LRRTM4: variants seen among roughly 807,000 people sequenced by gnomAD.
The protein encoded by LRRTM4 is leucine-rich repeat transmembrane neuronal protein 4.
Under a neutral mutation model 47.6 loss-of-function variants are expected in LRRTM4, and 25 were observed. The observed-to-expected ratio is 0.53, with a 90% CI of 0.38 to 0.73. The LOEUF is 0.73. LRRTM4 is among the 30% of genes least tolerant of loss of function. The pLI, the probability that LRRTM4 is intolerant of heterozygous loss-of-function variation, is 0.00. For synonymous variants in LRRTM4, 311 were observed against 269.5 expected (o/e 1.15, Z -1.51); for missense variants, 638 against 713.4 (o/e 0.89, Z 1.20).
At chr2:77,145,153 A>G (rs1672220648) in intron 3 of LRRTM4, among the ~76,000 whole-genome samples, 1 of 152,020 alleles carries the variant, frequency 6.6e-6, no homozygotes, top group African/African-American at 2.4e-5. Context: ...TACCACATTT[A>G]TACAAGGAAA....
intron 3 of LRRTM4, among the ~76,000 whole-genome samples, chr2:77,154,252 C>T (rs1032571870): frequency 6.6e-6 from 1 of 152,122 alleles, no homozygotes; most frequent in Non-Finnish European, 1.5e-5. Flanking sequence ...CTGTAGTCCA[C>T]CTTAGAGGCA....
chr2:77,518,598 T>G lies in LRRTM4; in HGVS notation c.1271A>C (p.Lys424Thr), dbSNP rs775513920. ...GAGAGCCACACTCCCGGCAATAATT[T>G]TGTGAAATGAAACATGCTCATACTC... ...EQEYEHVSFH[K>T]IIAGSVALFL... The change falls in exon 3 of 4, where the codon AAA (lysine) becomes ACA (threonine). Residue 424 changes from lysine to threonine, a missense_variant. By Grantham distance (78) the Lys-to-Thr change is moderately conservative (BLOSUM62 -1). Transcript: ENST00000409884. 3 of 1,613,402 alleles carry G rather than the reference T, an allele frequency of 1.9e-6. No individual in the cohort carries two copies. The highest frequency in any genetic ancestry group is 2.5e-6 in the Non-Finnish European group (3 of 1,179,646).
At chr2:76,991,456 A>C (rs76660078) in intron 3 of LRRTM4, among the ~76,000 whole-genome samples, 12,476 of 151,614 alleles carry the variant, frequency 0.082, 1,195 homozygotes, top group African/African-American at 0.22. Context: ...GTGACATTAC[A>C]ACTTATGTGA....
At chr2:77,239,540 A>G (rs1675200884) in intron 3 of LRRTM4, among the ~76,000 whole-genome samples, 1 of 151,936 alleles carries the variant, frequency 6.6e-6, no homozygotes, top group African/African-American at 2.4e-5. Context: ...CTGTCCACAG[A>G]AAGTTGTTTT....
intron 3 of LRRTM4, among the ~76,000 whole-genome samples, chr2:77,461,223 T>A (rs1252028217): frequency 6.6e-6 from 1 of 151,886 alleles, no homozygotes; most frequent in Admixed American, 6.6e-5. Flanking sequence ...ATAGTTATTT[T>A]ATAAAACATG....
At chr2:76,831,708 G>A (rs1437655940) in intron 3 of LRRTM4, among the ~76,000 whole-genome samples, 1 of 152,040 alleles carries the variant, frequency 6.6e-6, no homozygotes, top group African/African-American at 2.4e-5. Flanking sequence ...TTGGTATCAG[G>A]GAGAAAGAAT....
chr2:76,774,904 T>C (rs767234599), intron 3 of LRRTM4, among the ~76,000 whole-genome samples: 20 of 152,200 alleles, frequency 1.3e-4, no homozygotes, highest in Non-Finnish European at 2.5e-4. Context: ...TTTTGCCAGA[T>C]TGTCTAATGT....
chr2:77,102,017 C>G (rs1250353207), intron 3 of LRRTM4, among the ~76,000 whole-genome samples: 2 of 152,176 alleles, frequency 1.3e-5, no homozygotes, highest in African/African-American at 4.8e-5. Context: ...TATTGCAGGA[C>G]AAACAAAGGG....
intron 3 of LRRTM4, among the ~76,000 whole-genome samples, chr2:76,910,440 T>C (rs1445629464): frequency 1.3e-5 from 2 of 152,086 alleles, no homozygotes; most frequent in African/African-American, 2.4e-5. Flanking sequence ...GGCACATGTA[T>C]ACATATGAAA....
chr2:77,022,929 G>A (rs549106162), intron 3 of LRRTM4, among the ~76,000 whole-genome samples: 1 of 152,316 alleles, frequency 6.6e-6, no homozygotes, highest in East Asian at 1.9e-4. Flanking sequence ...TCCCCAGTAG[G>A]GACTCTGTGT....
At chr2:77,019,006 T>C (rs1678172388) in intron 3 of LRRTM4, among the ~76,000 whole-genome samples, 2 of 151,970 alleles carry the variant, frequency 1.3e-5, no homozygotes, top group Non-Finnish European at 2.9e-5. Context: ...AAATGAAATA[T>C]CTTGTAACAG....
At chr2:77,435,011 T>C (rs1675534288) in intron 3 of LRRTM4, among the ~76,000 whole-genome samples, 1 of 152,038 alleles carries the variant, frequency 6.6e-6, no homozygotes, top group South Asian at 2.1e-4. Context: ...GGTCATACAA[T>C]TTTTTGTTCT....
intron 3 of LRRTM4, among the ~76,000 whole-genome samples, chr2:77,217,173 A>T (rs1674471679): frequency 6.6e-6 from 1 of 151,166 alleles, no homozygotes; most frequent in Non-Finnish European, 1.5e-5. Flanking sequence ...TCTTCTTAAA[A>T]ATTCTTCAGG....
At chr2:76,867,954 G>C (rs1253466689) in intron 3 of LRRTM4, among the ~76,000 whole-genome samples, 1 of 152,132 alleles carries the variant, frequency 6.6e-6, no homozygotes, top group Non-Finnish European at 1.5e-5. Flanking sequence ...GAATGTTCTA[G>C]AGAGATCAAT....
At chr2:77,349,255 G>T (rs1671674233) in intron 3 of LRRTM4, among the ~76,000 whole-genome samples, 1 of 151,760 alleles carries the variant, frequency 6.6e-6, no homozygotes, top group South Asian at 2.1e-4. Context: ...TAAAACTCTA[G>T]CTCATCTCTA....
At chr2:76,999,087 T>A (rs1677316383) in intron 3 of LRRTM4, among the ~76,000 whole-genome samples, 1 of 152,112 alleles carries the variant, frequency 6.6e-6, no homozygotes, top group East Asian at 1.9e-4. Context: ...GTTACTGTTG[T>A]TGTGTGTGTG....
chr2:77,325,049 A>T (rs1049449779), intron 3 of LRRTM4, among the ~76,000 whole-genome samples: 3 of 152,282 alleles, frequency 2.0e-5, no homozygotes, highest in African/African-American at 7.2e-5. Flanking sequence ...AGCAGCTACT[A>T]TTTAGTTGTT....
intron 3 of LRRTM4, among the ~76,000 whole-genome samples, chr2:76,761,907 G>C (rs1243549504): frequency 6.6e-6 from 1 of 152,208 alleles, no homozygotes; most frequent in Non-Finnish European, 1.5e-5. Flanking sequence ...GACTACAAAA[G>C]GATGTCCTCT....
chr2:77,395,671 T>C (rs902033584), intron 3 of LRRTM4, among the ~76,000 whole-genome samples: 1 of 151,988 alleles, frequency 6.6e-6, no homozygotes, highest in Non-Finnish European at 1.5e-5. Flanking sequence ...ATAGCTAACT[T>C]GAGCTCCTCT....
Sources: gnomAD v4.1 joint callset for allele counts (sites outside exome capture counted in the v4.1 genomes callset) on GRCh38, gnomAD v4.1.1 for gene constraint, MANE v1.5 for transcripts, NCBI Gene and HGNC (gene_info 2026-07-23, HGNC 2026-07-21) for gene names.